Variants in CLSTN1 observed in about 807,000 individuals in gnomAD.
CLSTN1 encodes the protein calsyntenin-1.
Under a neutral mutation model 108.3 loss-of-function variants are expected in CLSTN1, and 28 were observed. That is an observed-to-expected ratio of 0.26 (90% confidence interval 0.19 to 0.35). The LOEUF (loss-of-function observed/expected upper bound fraction) is 0.35. Ranked by LOEUF, CLSTN1 falls within the 10% of genes least tolerant of loss-of-function variation. The probability of loss-of-function intolerance (pLI) is 1.00; values close to 1 mark genes in which losing one functional copy is unlikely to be tolerated. For synonymous variants in CLSTN1, 524 were observed against 534.9 expected, an observed-to-expected ratio of 0.98 and a Z score of 0.28; for missense variants, 1,157 against 1,302.6, an observed-to-expected ratio of 0.89 and a Z score of 1.72.
chr1:9,749,656 T>C lies in CLSTN1; in HGVS notation c.800-10A>G, dbSNP rs1278531758. 1 of 1,612,982 alleles carries C rather than the reference T, an allele frequency of 6.2e-7. No homozygotes were observed. Among genetic ancestry groups the C allele is most frequent in the African/African-American group, 1.3e-5 (1 of 74,922 alleles). ...ATCCTGTTGTTCCATCCTGTGTTGG[T>C]CCACAAGTCAGCAGGGGAAGAGAGA... is the stretch of plus-strand genomic sequence containing the variant. On this transcript the variant is annotated splice_polypyrimidine_tract_variant and intron_variant, in intron 6 of 18. Coordinates refer to ENST00000377298, the MANE Select transcript of CLSTN1 (RefSeq NM_001009566.3).
In CLSTN1 at chr1:9,735,555, C is replaced by G. The variant is rs1413603130; in HGVS notation, c.1795G>C (p.Asp599His). 6.2e-7 allele frequency: 1 copy of G among 1,614,016 alleles called. No individual in the cohort carries two copies. Among genetic ancestry groups the G allele is most frequent in the African/African-American group, 1.3e-5 (1 of 74,884 alleles). ...TACGAGATGTGCTGCATGGCCTTATCCAATTCCCCGAGGTCTTCTCCCTCC... is the reference window on the plus strand; with the variant it reads ...TACGAGATGTGCTGCATGGCCTTATGCAATTCCCCGAGGTCTTCTCCCTCC... ...TLEGEDLGEL[D>H]KAMQHISYLN... Residue 599 changes from aspartate to histidine, a missense_variant, in exon 13 of 19, where the codon GAT becomes CAT. Asp to His is a moderately conservative substitution (Grantham distance 81). Transcript: ENST00000377298.
chr1:9,742,013 T>A (rs1210112828), intron 9 of CLSTN1, among the ~76,000 whole-genome samples: 2 of 152,214 alleles, frequency 1.3e-5, no homozygotes, highest in Non-Finnish European at 2.9e-5. Flanking sequence ...TCAATAAATA[T>A]GAACATCAGC....
At position 9,823,635 on chromosome 1, in the gene CLSTN1, G is replaced by T; in HGVS notation, c.91+8C>A. The T allele has an allele frequency of 8.5e-7, 1 of 1,179,970 alleles. No individual in the cohort carries two copies. The highest frequency in any genetic ancestry group is 4.2e-5 in the South Asian group (1 of 23,854). 73.1% of individuals were successfully genotyped at this position (1,179,970 alleles called of 1,614,324 possible). ...GACCCAGCGGCCCGGCCCAGCCCCG[G>T]GGCTTACCTCGCGCGGCCCAGACCC... On this transcript the variant is annotated splice_region_variant and intron_variant, in intron 1 of 18. Transcript: ENST00000377298. This position sits in a 1 kb window ranked among gnomAD's most constrained non-coding sequence, Gnocchi z 6.3.
chr1:9,731,365 C>A lies in CLSTN1; in HGVS notation c.2589G>T (p.Val863=). 6.2e-7 allele frequency: 1 copy of A among 1,614,216 alleles called. No individual in the cohort carries two copies. The highest frequency in any genetic ancestry group is 8.5e-7 in the Non-Finnish European group (1 of 1,180,038). Residue 863 remains valine, a synonymous_variant, in exon 18 of 19, where the codon GTG becomes GTT. Transcript: ENST00000377298. ...FAVVPSTATV[V]IVVCVSFLVF... ...CCAGGAAGCTGACGCACACCACGATCACAACTGTCGCAGTGCTGGGGACGA... is the reference window on the plus strand; with the variant it reads ...CCAGGAAGCTGACGCACACCACGATAACAACTGTCGCAGTGCTGGGGACGA...
Position 9,730,760 on chromosome 1 carries a change from C to T in CLSTN1, c.2749-55G>A. On this transcript the variant is annotated intron_variant, in intron 18 of 18. Transcript: ENST00000377298. The surrounding 1 kb of genome is among the most constrained non-coding windows in gnomAD (Gnocchi z 5.6). Reference sequence around the variant, plus strand: ...TCCGGCCCTGCCCACAGCCCCGTCACCTGGCATTCTCCTCTCGACAGCCAC... The same window carrying T: ...TCCGGCCCTGCCCACAGCCCCGTCATCTGGCATTCTCCTCTCGACAGCCAC... 6.7e-7 allele frequency: 1 copy of T among 1,491,272 alleles called. No homozygotes were observed. Among genetic ancestry groups the T allele is most frequent in the African/African-American group, 1.4e-5 (1 of 72,196 alleles). 92.4% of individuals were successfully genotyped at this position (1,491,272 alleles called of 1,614,324 possible).
intron 1 of CLSTN1, among the ~76,000 whole-genome samples, chr1:9,808,256 T>C (rs561305568): frequency 8.9e-4 from 136 of 152,182 alleles, no homozygotes; most frequent in Non-Finnish European, 1.8e-3. Flanking sequence ...AAAAATCCAC[T>C]TATAAGTGGA....
In CLSTN1 at chr1:9,732,567, C is replaced by A. The variant is rs1246513342; in HGVS notation, c.2428-671G>T. Among the ~76,000 whole-genome samples, 3 of 152,222 alleles carry A rather than the reference C, an allele frequency of 2.0e-5. No individual in the cohort carries two copies. The East Asian group carries it at 5.8e-4, about 29-fold the overall frequency. ...CCCTTTGACTCAAACAAAACAGGCA[C>A]CGAATTTAGCATTCTGCTCTTGAGT... On this transcript the variant is annotated intron_variant, in intron 16 of 18. Transcript: ENST00000377298.
At chr1:9,732,892 TC>T (rs1650482515) in intron 16 of CLSTN1, among the ~76,000 whole-genome samples, 1 of 152,210 alleles carries the variant, frequency 6.6e-6, no homozygotes, top group South Asian at 2.1e-4. Flanking sequence ...TGCTGCTCTT[TC>T]TAAAACAGTG....
chr1:9,787,532 T>C (rs1010427360), intron 1 of CLSTN1, among the ~76,000 whole-genome samples: 3 of 150,156 alleles, frequency 2.0e-5, no homozygotes, highest in African/African-American at 2.4e-5. Flanking sequence ...GCCTCCCGGG[T>C]AGCTGGGACT....
chr1:9,795,294 T>C (rs2101242752), intron 1 of CLSTN1, among the ~76,000 whole-genome samples: 1 of 150,688 alleles, frequency 6.6e-6, no homozygotes, highest in African/African-American at 2.4e-5. Flanking sequence ...GCCTCCTGAG[T>C]AGCTGGGATT....
At chr1:9,765,959 CA>C (rs1157758981) in intron 2 of CLSTN1, among the ~76,000 whole-genome samples, 1 of 152,086 alleles carries the variant, frequency 6.6e-6, no homozygotes, top group African/African-American at 2.4e-5. Context: ...GCTAAAAAAG[CA>C]AAACTGGGCA....
At chr1:9,791,967 G>A (rs373812354) in intron 1 of CLSTN1, among the ~76,000 whole-genome samples, 5 of 151,214 alleles carry the variant, frequency 3.3e-5, no homozygotes, top group African/African-American at 1.2e-4. Context: ...TGGCCAACAT[G>A]GGGAAATCAT....
intron 1 of CLSTN1, among the ~76,000 whole-genome samples, chr1:9,789,814 GT>G (rs1653678335): frequency 6.6e-6 from 1 of 151,110 alleles, no homozygotes; most frequent in African/African-American, 2.4e-5. Context: ...CCCGTCTCTA[GT>G]AAAAAATACA....
chr1:9,745,765 G>GTT (rs778360021), intron 7 of CLSTN1, among the ~76,000 whole-genome samples: 1,115 of 100,876 alleles, frequency 0.011, 8 homozygotes, highest in Non-Finnish European at 0.014. Context: ...CTGAATAGTT[G>GTT]TTTTTTTTTT....
rs1220577812 is a variant in CLSTN1 at position 9,741,169 on chromosome 1, A to G, written c.1444T>C (p.Phe482Leu). 1.2e-6 allele frequency: 2 copies of G among 1,614,034 alleles called. No individual in the cohort carries two copies. The highest frequency in any genetic ancestry group is 1.7e-5 in the Admixed American group (1 of 60,000). ...LYVDGTSHEP[F>L]SVTEDYPLHP... ...AGCGGGTAATCCTCAGTCACAGAGA[A>G]GGGCTCGTGGGACGTGCCATCCACA... The change falls in exon 10 of 19, where the codon TTC becomes CTC. Residue 482 changes from phenylalanine to leucine, a missense_variant. By Grantham distance (22) the Phe-to-Leu change is conservative. Coordinates refer to ENST00000377298, the MANE Select transcript of CLSTN1 (RefSeq NM_001009566.3).
chr1:9,732,985 G>A (rs1299677601), intron 16 of CLSTN1, among the ~76,000 whole-genome samples: 1 of 152,100 alleles, frequency 6.6e-6, no homozygotes, highest in Non-Finnish European at 1.5e-5. Flanking sequence ...GAACCTGGGG[G>A]GACAAGACCA....
chr1:9,817,307 G>A lies in CLSTN1; in HGVS notation c.91+6336C>T, dbSNP rs967934774. The stretch of plus-strand genomic sequence containing the variant: ...ATCACATACTTCTTATTGGGGTTCC[G>A]GAATGGGAAGGAAGCTTTCAGATTT... On this transcript the variant is annotated intron_variant, in intron 1 of 18. Coordinates refer to ENST00000377298, the MANE Select transcript of CLSTN1 (RefSeq NM_001009566.3). Among the ~76,000 whole-genome samples the A allele has an allele frequency of 3.3e-5, 5 of 152,102 alleles. 1 individual carries two copies. Among genetic ancestry groups the A allele is most frequent in the South Asian group, 4.1e-4 (2 of 4,824 alleles).
At chr1:9,808,563 C>CA (rs1194378222) in intron 1 of CLSTN1, among the ~76,000 whole-genome samples, 1 of 152,100 alleles carries the variant, frequency 6.6e-6, no homozygotes, top group African/African-American at 2.4e-5. Context: ...TGTATCAAGA[C>CA]AAAGCTAGGT....
At chr1:9,799,762 G>A (rs1442663340) in intron 1 of CLSTN1, among the ~76,000 whole-genome samples, 1 of 151,902 alleles carries the variant, frequency 6.6e-6, no homozygotes, top group Non-Finnish European at 1.5e-5. Flanking sequence ...CCAACATGGT[G>A]AAAACCCGTC....
Sources: allele counts gnomAD v4.1 joint callset (sites outside exome capture counted in the v4.1 genomes callset), GRCh38; gene constraint gnomAD v4.1.1; non-coding constraint Gnocchi (gnomAD v3.1); transcripts MANE v1.5; gene names NCBI Gene and HGNC (gene_info 2026-07-23, HGNC 2026-07-21).